CMIP: variants seen among roughly 807,000 people sequenced by gnomAD.
CMIP encodes C-Maf-inducing protein.
A neutral mutation model predicts 97.3 loss-of-function variants in CMIP; 13 were observed. The observed-to-expected ratio is 0.13, with a 90% CI of 0.09 to 0.21. The LOEUF is 0.21. Among genes scored for constraint, CMIP ranks in the 10% least tolerant of loss-of-function variants. The pLI, the probability that CMIP is intolerant of heterozygous loss-of-function variation, is 1.00. For synonymous variants in CMIP, 538 were observed against 436.3 expected (o/e 1.23, Z -2.91); for missense variants, 847 against 1,024.9 (o/e 0.83, Z 2.37).
intron 10 of CMIP, among the ~76,000 whole-genome samples, chr16:81,679,152 G>A (rs573694131): frequency 6.6e-5 from 10 of 152,160 alleles, no homozygotes; most frequent in South Asian, 2.1e-4. Context: ...GTGCCTGAAC[G>A]GCCATGGGTG....
chr16:81,610,604 A>C lies in CMIP; in HGVS notation c.426+2912A>C, dbSNP rs1369912010. 5.5e-6 allele frequency: 5 copies of C among 912,180 alleles called. No individual in the cohort carries two copies. In the East Asian group the frequency reaches 6.0e-4, roughly 109 times the overall value. 56.5% of individuals were successfully genotyped at this position (912,180 alleles called of 1,614,324 possible). On this transcript the variant is annotated intron_variant, in intron 2 of 20. Transcript: ENST00000537098. Reference sequence around the variant, plus strand: ...CCCTGGCTGCCATTTCCGTCAGGGGAGGTAGACCTGGATCGGCTTCTCCCT... The same window carrying C: ...CCCTGGCTGCCATTTCCGTCAGGGGCGGTAGACCTGGATCGGCTTCTCCCT...
chr16:81,563,519 C>G (rs1352870082), intron 1 of CMIP, among the ~76,000 whole-genome samples: 1 of 152,192 alleles, frequency 6.6e-6, no homozygotes, highest in African/African-American at 2.4e-5. Context: ...TGGGGCCACA[C>G]TGACACGTAC....
intron 1 of CMIP, among the ~76,000 whole-genome samples, chr16:81,471,478 G>A (rs1907548039): frequency 6.6e-6 from 1 of 152,082 alleles, no homozygotes; most frequent in Non-Finnish European, 1.5e-5. Context: ...ATGCAGACAT[G>A]CACACAGATA....
chr16:81,476,002 A>T (rs1907889167), intron 1 of CMIP: 2 of 573,418 alleles, frequency 3.5e-6, no homozygotes, highest in African/African-American at 3.9e-5. Context: ...AAAAAAAAAA[A>T]GATAAAACAT....
intron 1 of CMIP, among the ~76,000 whole-genome samples, chr16:81,452,705 C>A (rs193230263): frequency 6.6e-6 from 1 of 152,162 alleles, no homozygotes; most frequent in East Asian, 1.9e-4. Flanking sequence ...GCACCTGGTA[C>A]ATGTTCTATG....
At chr16:81,555,510 A>G (rs910825433) in intron 1 of CMIP, among the ~76,000 whole-genome samples, 6 of 152,184 alleles carry the variant, frequency 3.9e-5, no homozygotes, top group African/African-American at 1.2e-4. Context: ...GTGCACAACA[A>G]AAGGGTCTAA....
rs1567680426 is a variant in CMIP, at chr16:81,710,012, C to T, written c.*213C>T. On this transcript the variant is annotated 3_prime_UTR_variant, in exon 21 of 21. Transcript: ENST00000537098. ...AATTCTTTTAGCTTCGTAATTGGAA[C>T]CTTTGACCTGATCTAAAGTGGACTT... 1 of 416,642 alleles carries T rather than the reference C, an allele frequency of 2.4e-6. No homozygotes were observed. Among genetic ancestry groups the T allele is most frequent in the Admixed American group, 3.9e-5 (1 of 25,716 alleles). 25.8% of individuals were successfully genotyped at this position (416,642 alleles called of 1,614,324 possible).
chr16:81,585,432 C>G (rs1205747759), intron 1 of CMIP, among the ~76,000 whole-genome samples: 4 of 152,176 alleles, frequency 2.6e-5, no homozygotes, highest in African/African-American at 4.8e-5. Context: ...CCACAATATT[C>G]TCATCACCTC....
At chr16:81,484,544 C>T (rs56311237) in intron 1 of CMIP, among the ~76,000 whole-genome samples, 1 of 152,104 alleles carries the variant, frequency 6.6e-6, no homozygotes, top group Non-Finnish European at 1.5e-5. Context: ...TCCTCTTCCC[C>T]CTTGGGCCAC....
At chr16:81,628,479 C>A (rs766161853) in intron 3 of CMIP, among the ~76,000 whole-genome samples, 11 of 152,214 alleles carry the variant, frequency 7.2e-5, no homozygotes, top group Non-Finnish European at 1.2e-4. Context: ...TCCTTACAGC[C>A]CTGAGGAGGT....
chr16:81,547,237 C>T (rs770970663), intron 1 of CMIP, among the ~76,000 whole-genome samples: 16 of 152,120 alleles, frequency 1.1e-4, no homozygotes, highest in Admixed American at 4.6e-4. Context: ...GAAAGAGAGA[C>T]GGAAGGGGTT....
rs1010025434 is a variant in CMIP, at chr16:81,529,061, A to G, written c.301-78506A>G. ...TAAATCAGGCCTTGGCTAGATACAGATGAATGAGCTGTGGTCCTTGCCTTT... is the reference window on the plus strand; with the variant it reads ...TAAATCAGGCCTTGGCTAGATACAGGTGAATGAGCTGTGGTCCTTGCCTTT... On this transcript the variant is annotated intron_variant, in intron 1 of 20. Coordinates refer to ENST00000537098, the MANE Select transcript of CMIP (RefSeq NM_198390.3). Among the ~76,000 whole-genome samples the G allele has an allele frequency of 4.6e-5, 7 of 152,168 alleles. No homozygotes were observed. In the South Asian group the frequency reaches 8.3e-4, roughly 18 times the overall value.
chr16:81,587,606 T>G (rs187797365), intron 1 of CMIP, among the ~76,000 whole-genome samples: 2 of 152,308 alleles, frequency 1.3e-5, no homozygotes, highest in East Asian at 3.9e-4. Flanking sequence ...AGAGATGAAG[T>G]GGCCGCCAAA....
At chr16:81,658,516 G>A (rs930411942) in intron 5 of CMIP, among the ~76,000 whole-genome samples, 3 of 152,216 alleles carry the variant, frequency 2.0e-5, no homozygotes, top group Non-Finnish European at 4.4e-5. Flanking sequence ...AACTCCCCTG[G>A]GAAAGGAGCC....
chr16:81,629,191 AGGCAG>A (rs2092119144), intron 3 of CMIP, among the ~76,000 whole-genome samples: 1 of 144,188 alleles, frequency 6.9e-6, no homozygotes, highest in South Asian at 2.3e-4. Flanking sequence ...ACGTCTGACT[AGGCAG>A]GCCCCTGTTT....
At chr16:81,684,084 A>G (rs1243883924) in intron 10 of CMIP, among the ~76,000 whole-genome samples, 1 of 152,196 alleles carries the variant, frequency 6.6e-6, no homozygotes, top group East Asian at 1.9e-4. Flanking sequence ...TAAACTGCTC[A>G]TTCCTGGAGC....
chr16:81,656,952 A>G (rs979119533), intron 4 of CMIP, among the ~76,000 whole-genome samples: 1 of 152,082 alleles, frequency 6.6e-6, no homozygotes, highest in South Asian at 2.1e-4. Context: ...GAGCATCAAC[A>G]TGACACTCAA....
At position 81,707,093 on chromosome 16, in the gene CMIP, C is replaced by G. The variant is rs747754624; in HGVS notation, c.2268+9C>G. ...CCTACGAAGATCTGAAGGTAATTCCCTCCTTCCTCCCCACTCTCCTCCCCT... is the reference window on the plus strand; with the variant it reads ...CCTACGAAGATCTGAAGGTAATTCCGTCCTTCCTCCCCACTCTCCTCCCCT... On this transcript the variant is annotated intron_variant, in intron 20 of 20. Transcript: ENST00000537098. 1 of 1,611,782 alleles carries G rather than the reference C, an allele frequency of 6.2e-7. No individual in the cohort carries two copies. Among genetic ancestry groups the G allele is most frequent in the Admixed American group, 1.7e-5 (1 of 60,008 alleles).
chr16:81,574,879 C>T (rs1187212933), intron 1 of CMIP, among the ~76,000 whole-genome samples: 2 of 152,218 alleles, frequency 1.3e-5, no homozygotes, highest in Non-Finnish European at 1.5e-5. Flanking sequence ...TTGTCCCCTG[C>T]GTATCCTAAG....
Sources: allele counts gnomAD v4.1 joint callset (sites outside exome capture counted in the v4.1 genomes callset), GRCh38; gene constraint gnomAD v4.1.1; transcripts MANE v1.5; gene names NCBI Gene and HGNC (gene_info 2026-07-23, HGNC 2026-07-21).